Variants in BABAM2 observed in about 807,000 individuals in gnomAD.
The protein encoded by BABAM2 is BRISC and BRCA1-A complex member 2.
Under a neutral mutation model 54.7 loss-of-function variants are expected in BABAM2, and 31 were observed. That is an observed-to-expected ratio of 0.57 (90% confidence interval 0.43 to 0.77). BABAM2 has a LOEUF of 0.77. BABAM2 is among the 30% of genes least tolerant of loss of function. The pLI is 0.00. For missense variants in BABAM2, 364 were observed against 455.8 expected, an observed-to-expected ratio of 0.80 and a Z score of 1.83; for synonymous variants, 167 against 162.9, an observed-to-expected ratio of 1.03 and a Z score of -0.19.
chr2:28,293,469 G>C (rs1687450944), intron 10 of BABAM2, among the ~76,000 whole-genome samples: 1 of 152,200 alleles, frequency 6.6e-6, no homozygotes, highest in South Asian at 2.1e-4. Flanking sequence ...GTTTATCAGT[G>C]CATTCGGCTT....
chr2:28,209,668 A>G (rs111507682), intron 7 of BABAM2, among the ~76,000 whole-genome samples: 2,942 of 152,182 alleles, frequency 0.019, 88 homozygotes, highest in African/African-American at 0.067. Context: ...ACACTCGTCC[A>G]GCCATTGAGA....
chr2:28,091,532 C>T (rs1412845274), intron 6 of BABAM2, among the ~76,000 whole-genome samples: 1 of 152,150 alleles, frequency 6.6e-6, no homozygotes, highest in Non-Finnish European at 1.5e-5. Context: ...AGTTGGTGAT[C>T]TCCAAAGCTC....
At chr2:28,282,506 TA>T (rs1686445822) in intron 10 of BABAM2, among the ~76,000 whole-genome samples, 1 of 152,122 alleles carries the variant, frequency 6.6e-6, no homozygotes, top group Non-Finnish European at 1.5e-5. Flanking sequence ...ATAGCACTTG[TA>T]GATACAGCAT....
chr2:28,311,467 T>C (rs985895446), intron 11 of BABAM2, among the ~76,000 whole-genome samples: 1 of 152,136 alleles, frequency 6.6e-6, no homozygotes, highest in Admixed American at 6.5e-5. Flanking sequence ...GGGATTTTTA[T>C]GATAAACCAT....
intron 7 of BABAM2, among the ~76,000 whole-genome samples, chr2:28,174,785 G>A (rs574716588): frequency 8.5e-5 from 13 of 152,234 alleles, no homozygotes; most frequent in African/African-American, 1.9e-4. Flanking sequence ...AGCGTGGTAC[G>A]ATTTTGAGAG....
At chr2:28,262,387 A>G (rs561702138) in intron 10 of BABAM2, among the ~76,000 whole-genome samples, 1 of 152,152 alleles carries the variant, frequency 6.6e-6, no homozygotes, top group African/African-American at 2.4e-5. Context: ...TATGTAAAAG[A>G]TGATTTGGGA....
intron 3 of BABAM2, among the ~76,000 whole-genome samples, chr2:27,971,201 G>A (rs999258582): frequency 3.9e-5 from 6 of 151,986 alleles, no homozygotes; most frequent in African/African-American, 7.2e-5. Context: ...TTAGTATCTT[G>A]AATCAATACT....
chr2:28,298,386 A>G lies in BABAM2; in HGVS notation c.983A>G (p.Gln328Arg). 1 of 1,614,166 alleles carries G rather than the reference A, an allele frequency of 6.2e-7. No individual in the cohort carries two copies. The highest frequency in any genetic ancestry group is 1.1e-5 in the South Asian group (1 of 91,076). The change falls in exon 11 of 12, where the codon CAG becomes CGG. Residue 328 changes from glutamine (Q) to arginine (R), a missense_variant. Gln to Arg is a conservative substitution (Grantham distance 43). Coordinates refer to ENST00000379624, the MANE Select transcript of BABAM2 (RefSeq NM_199191.3). ...FPRDQPTLTF[Q>R]SVYHFTNSGQ... ...CGAGACCAGCCAACTCTCACATTTC[A>G]GTCCGTTTATCACTTTACCAACAGT...
chr2:28,002,752 T>C (rs923091322), intron 4 of BABAM2, among the ~76,000 whole-genome samples: 3 of 152,196 alleles, frequency 2.0e-5, no homozygotes, highest in Non-Finnish European at 4.4e-5. Context: ...TACAGTTTAG[T>C]GATATATTTA....
At chr2:27,925,304 A>G (rs1476761337) in intron 2 of BABAM2, among the ~76,000 whole-genome samples, 1 of 152,026 alleles carries the variant, frequency 6.6e-6, no homozygotes. Flanking sequence ...TTATTATCTC[A>G]CACTTTGAAC....
intron 6 of BABAM2, 89 bp from the exon 7 acceptor site, chr2:28,129,182 T>A (rs1669821301): frequency 8.2e-7 from 1 of 1,219,354 alleles, no homozygotes; most frequent in Non-Finnish European, 1.2e-6. Flanking sequence ...CTCACAGTCA[T>A]GGCTTCAATG....
chr2:28,202,985 C>G (rs1678444747), intron 7 of BABAM2, among the ~76,000 whole-genome samples: 1 of 152,128 alleles, frequency 6.6e-6, no homozygotes, highest in African/African-American at 2.4e-5. Flanking sequence ...GAATGCTTTC[C>G]TATTGATGAA....
At chr2:28,248,067 T>G (rs1683056684) in intron 10 of BABAM2, among the ~76,000 whole-genome samples, 1 of 152,120 alleles carries the variant, frequency 6.6e-6, no homozygotes, top group Admixed American at 6.5e-5. Flanking sequence ...ATCCAGAAAC[T>G]ATTTTTAGGA....
intron 10 of BABAM2, among the ~76,000 whole-genome samples, chr2:28,261,613 C>T (rs1179535543): frequency 2.0e-5 from 3 of 152,172 alleles, no homozygotes; most frequent in Admixed American, 2.0e-4. Context: ...GCTGGGATTA[C>T]AGGCGTGAGC....
At chr2:28,167,842 A>G (rs1169012048) in intron 7 of BABAM2, among the ~76,000 whole-genome samples, 1 of 152,176 alleles carries the variant, frequency 6.6e-6, no homozygotes, top group Non-Finnish European at 1.5e-5. Context: ...TAAAATTGAG[A>G]GAATCATGAT....
intron 11 of BABAM2, chr2:28,327,301 C>A: frequency 6.2e-7 from 1 of 1,610,448 alleles, no homozygotes. Context: ...GAGATGCCTG[C>A]AGCCCGTGGG....
intron 2 of BABAM2, 62 bp from the exon 3 acceptor site, chr2:27,929,770 T>C: frequency 1.4e-6 from 2 of 1,437,394 alleles, no homozygotes; most frequent in Non-Finnish European, 2.0e-6. Context: ...CATAAACATG[T>C]GGGTTTTTAA....
chr2:27,967,717 T>G (rs931224900), intron 3 of BABAM2, among the ~76,000 whole-genome samples: 13 of 152,088 alleles, frequency 8.5e-5, no homozygotes, highest in Non-Finnish European at 1.8e-4. Flanking sequence ...CATAATGATA[T>G]GGACAATAAA....
intron 6 of BABAM2, among the ~76,000 whole-genome samples, chr2:28,061,786 A>T (rs553361018): frequency 9.4e-4 from 142 of 151,020 alleles, no homozygotes; most frequent in Middle Eastern, 6.8e-3. Context: ...TTTTTTTTTT[A>T]AAAACCTGTG....
Sources: gnomAD v4.1 joint callset for allele counts (sites outside exome capture counted in the v4.1 genomes callset) on GRCh38, gnomAD v4.1.1 for gene constraint, MANE v1.5 for transcripts, NCBI Gene and HGNC (gene_info 2026-07-23, HGNC 2026-07-21) for gene names.